DCC: variants seen among roughly 807,000 people sequenced by gnomAD.
DCC encodes the protein netrin receptor DCC.
Under a neutral mutation model 172.5 loss-of-function variants are expected in DCC, and 58 were observed. The observed-to-expected ratio is 0.34, with a 90% confidence interval of 0.27 to 0.42. The LOEUF (loss-of-function observed/expected upper bound fraction) is 0.42. DCC is among the 10% of genes least tolerant of loss of function. The pLI, the probability that DCC is intolerant of heterozygous loss-of-function variation, is 1.00. For missense variants in DCC, 1,740 were observed against 1,791.0 expected (o/e 0.97, Z 0.51); for synonymous variants, 709 against 644.5 (o/e 1.10, Z -1.52).
intron 1 of DCC, among the ~76,000 whole-genome samples, chr18:52,714,933 C>T (rs915483620): frequency 1.3e-5 from 2 of 152,326 alleles, no homozygotes; most frequent in African/African-American, 4.8e-5. Context: ...TCCAGCTTCT[C>T]TCCAAGGAGT....
chr18:53,023,722 T>C (rs2041917420), intron 5 of DCC, among the ~76,000 whole-genome samples: 1 of 152,190 alleles, frequency 6.6e-6, no homozygotes, highest in African/African-American at 2.4e-5. Flanking sequence ...TTGTTTATAA[T>C]AATAATATAG....
chr18:52,995,484 TG>T (rs2041463152), intron 5 of DCC, among the ~76,000 whole-genome samples: 3 of 73,214 alleles, frequency 4.1e-5, no homozygotes, highest in Admixed American at 1.2e-4. Flanking sequence ...GAAAGTTTTT[TG>T]TTTTTTTTTT....
chr18:53,382,489 C>G (rs1011490240), intron 15 of DCC, among the ~76,000 whole-genome samples: 1 of 152,046 alleles, frequency 6.6e-6, no homozygotes, highest in Admixed American at 6.5e-5. Context: ...TTCCAAAAGT[C>G]TTCTTTGATG....
chr18:52,446,116 G>T (rs760585262), intron 1 of DCC, among the ~76,000 whole-genome samples: 7 of 152,176 alleles, frequency 4.6e-5, no homozygotes, highest in Admixed American at 3.9e-4. Context: ...TGTATTTTTA[G>T]TAGAGACGGG....
intron 1 of DCC, among the ~76,000 whole-genome samples, chr18:52,579,749 A>G (rs1415612460): frequency 6.6e-6 from 1 of 152,196 alleles, no homozygotes; most frequent in Non-Finnish European, 1.5e-5. Context: ...TGGAATTGTC[A>G]TGAGTCAAAA....
At chr18:52,593,823 C>T (rs563170427) in intron 1 of DCC, among the ~76,000 whole-genome samples, 15 of 152,266 alleles carry the variant, frequency 9.9e-5, no homozygotes, top group African/African-American at 3.6e-4. Context: ...GCAATTGTCC[C>T]CTGAGGGGCA....
At chr18:52,647,074 C>T (rs1421958052) in intron 1 of DCC, among the ~76,000 whole-genome samples, 1 of 152,130 alleles carries the variant, frequency 6.6e-6, no homozygotes, top group Non-Finnish European at 1.5e-5. Context: ...GGGACAAAGC[C>T]CAAATACATG....
At chr18:53,029,799 G>C (rs1170554489) in intron 5 of DCC, among the ~76,000 whole-genome samples, 3 of 152,114 alleles carry the variant, frequency 2.0e-5, no homozygotes, top group Non-Finnish European at 4.4e-5. Context: ...TGTGTGGAGA[G>C]AGCCTATTTG....
intron 5 of DCC, among the ~76,000 whole-genome samples, chr18:52,955,552 G>T (rs78030132): frequency 2.0e-5 from 3 of 151,934 alleles, no homozygotes; most frequent in Non-Finnish European, 4.4e-5. Flanking sequence ...CAGTTAAGTT[G>T]GGTAAATATC....
chr18:53,113,940 A>G (rs4638654), intron 7 of DCC, among the ~76,000 whole-genome samples: 104,507 of 151,236 alleles, frequency 0.69, 37,914 homozygotes, highest in African/African-American at 0.9. Context: ...AGTCATATTT[A>G]TTCTATTGCT....
intron 1 of DCC, among the ~76,000 whole-genome samples, chr18:52,371,461 T>C (rs1985118576): frequency 6.6e-6 from 1 of 152,050 alleles, no homozygotes; most frequent in Non-Finnish European, 1.5e-5. Context: ...AATGTAATAC[T>C]CTAATTTTTT....
chr18:53,361,207 G>C (rs1005714595), intron 15 of DCC, among the ~76,000 whole-genome samples: 1 of 152,128 alleles, frequency 6.6e-6, no homozygotes, highest in African/African-American at 2.4e-5. Flanking sequence ...TAGGCCTTCA[G>C]GGACCGTGCG....
chr18:53,477,267 C>T (rs995047152), intron 25 of DCC, among the ~76,000 whole-genome samples: 6 of 152,176 alleles, frequency 3.9e-5, no homozygotes, highest in African/African-American at 1.2e-4. Context: ...CCTCTGCCTC[C>T]CAAAGTGTTG....
At chr18:52,675,448 G>C (rs1186324001) in intron 1 of DCC, among the ~76,000 whole-genome samples, 1 of 152,108 alleles carries the variant, frequency 6.6e-6, no homozygotes, top group Non-Finnish European at 1.5e-5. Context: ...CCAACTTCAA[G>C]TTGTTCCACC....
intron 1 of DCC, among the ~76,000 whole-genome samples, chr18:52,501,928 TA>T (rs2031038017): frequency 6.6e-6 from 1 of 152,168 alleles, no homozygotes; most frequent in South Asian, 2.1e-4. Context: ...AGTTAAAAAT[TA>T]AAAATGTTAA....
At chr18:53,352,888 G>T (rs1226855269) in intron 15 of DCC, among the ~76,000 whole-genome samples, 1 of 151,682 alleles carries the variant, frequency 6.6e-6, no homozygotes, top group Non-Finnish European at 1.5e-5. Flanking sequence ...CACTCTTTCT[G>T]GACTCATTAG....
intron 21 of DCC, among the ~76,000 whole-genome samples, chr18:53,424,090 CT>C (rs1230208818): frequency 2.0e-5 from 3 of 152,314 alleles, no homozygotes; most frequent in South Asian, 4.1e-4. Context: ...AACAAGTTCT[CT>C]GTAATTCAGC....
At chr18:52,848,790 G>A (rs2038933276) in intron 2 of DCC, among the ~76,000 whole-genome samples, 1 of 152,104 alleles carries the variant, frequency 6.6e-6, no homozygotes, top group Non-Finnish European at 1.5e-5. Context: ...TTCCATTTAT[G>A]TTAAGTGATT....
chr18:52,720,160 G>A lies in DCC; in HGVS notation c.92-31894G>A, dbSNP rs563519963. Among the ~76,000 whole-genome samples the A allele has an allele frequency of 7.2e-5, 11 of 152,226 alleles. No individual in the cohort carries two copies. In the South Asian group the frequency reaches 1.5e-3, roughly 20 times the overall value. On this transcript the variant is annotated intron_variant, in intron 1 of 28. Transcript: ENST00000442544. ...ATATTCCTGCTACTGCAGCCAGTCAGCTGACCAGTGTATTTCCTAGGCTGA... is the reference window on the plus strand; with the variant it reads ...ATATTCCTGCTACTGCAGCCAGTCAACTGACCAGTGTATTTCCTAGGCTGA...
Sources: gnomAD v4.1 joint callset for allele counts (sites outside exome capture counted in the v4.1 genomes callset) on GRCh38, gnomAD v4.1.1 for gene constraint, MANE v1.5 for transcripts, NCBI Gene and HGNC (gene_info 2026-07-23, HGNC 2026-07-21) for gene names.